USP34: variants seen among roughly 807,000 people sequenced by gnomAD.
USP34 encodes ubiquitin specific peptidase 34.
In USP34, 70 loss-of-function variants were observed where a neutral mutation model predicts 460.3. That is an observed-to-expected ratio of 0.15 (90% CI 0.13 to 0.19). The LOEUF is 0.19. Among genes scored for constraint, USP34 ranks in the 10% least tolerant of loss-of-function variants. The probability of loss-of-function intolerance (pLI) is 1.00; values close to 1 mark genes in which losing one functional copy is unlikely to be tolerated. For missense variants in USP34, 3,985 were observed against 4,236.2 expected (o/e 0.94, Z 1.65); for synonymous variants, 1,647 against 1,405.3 (o/e 1.17, Z -3.85).
At chr2:61,466,764 T>C (rs759542930) in intron 1 of USP34, among the ~76,000 whole-genome samples, 1 of 151,834 alleles carries the variant, frequency 6.6e-6, no homozygotes, top group African/African-American at 2.4e-5. Context: ...ATACAAAAAT[T>C]AGCCAGGCAA....
At chr2:61,198,190 TTA>T (rs964413860) in intron 75 of USP34, among the ~76,000 whole-genome samples, 4 of 151,984 alleles carry the variant, frequency 2.6e-5, no homozygotes, top group African/African-American at 9.7e-5. Context: ...AATTTCATCC[TTA>T]TAGAGTAAAA....
At chr2:61,321,188 A>T (rs1427370722) in intron 21 of USP34, among the ~76,000 whole-genome samples, 1 of 151,394 alleles carries the variant, frequency 6.6e-6, no homozygotes, top group Admixed American at 6.6e-5. Flanking sequence ...AAAACAAAAA[A>T]ATGGCCAGGC....
At chr2:61,393,571 T>C (rs528169838) in intron 5 of USP34, among the ~76,000 whole-genome samples, 9 of 152,188 alleles carry the variant, frequency 5.9e-5, no homozygotes, top group East Asian at 1.9e-4. Context: ...ATTTTAGTAA[T>C]GTCAGTGCTG....
chr2:61,228,979 T>G lies in USP34; in HGVS notation c.7216A>C (p.Thr2406Pro). ...GMEDGSDDMD[T>P]SVEDIGGRSC... ...CGACCACCAATATCTTCTACTGAGG[T>G]ATCCATATCATCTGACCTAAGAGAC... Residue 2406 changes from threonine (T) to proline (P), a missense_variant, in exon 60 of 80, where the codon ACC becomes CCC. Coordinates refer to ENST00000398571, the MANE Select transcript of USP34 (RefSeq NM_014709.4). 2 of 1,592,004 alleles carry G rather than the reference T, an allele frequency of 1.3e-6. No homozygotes were observed. The highest frequency in any genetic ancestry group is 1.7e-6 in the Non-Finnish European group (2 of 1,169,542).
At chr2:61,331,656 C>T (rs905889403) in intron 19 of USP34, among the ~76,000 whole-genome samples, 1 of 151,642 alleles carries the variant, frequency 6.6e-6, no homozygotes, top group Admixed American at 6.6e-5. Context: ...AATATGATAC[C>T]CTTTCATATA....
At position 61,350,943 on chromosome 2, in the gene USP34, C is replaced by A. The variant is rs377368847; in HGVS notation, c.1252-250G>T. Among the ~76,000 whole-genome samples the A allele has an allele frequency of 6.0e-4, 92 of 152,264 alleles. 1 individual carries two copies. Among genetic ancestry groups the A allele is most frequent in the African/African-American group, 2.2e-3 (92 of 41,570 alleles). On this transcript the variant is annotated intron_variant, in intron 10 of 79. Transcript: ENST00000398571. ...AATTTCCTAATTATAAGAGGGAAGGCTGGGCGTGGTGGCTGATGCCTGTAA... is the reference window on the plus strand; with the variant it reads ...AATTTCCTAATTATAAGAGGGAAGGATGGGCGTGGTGGCTGATGCCTGTAA...
chr2:61,342,849 A>G (rs1329227716), intron 16 of USP34, among the ~76,000 whole-genome samples: 1 of 152,228 alleles, frequency 6.6e-6, no homozygotes, highest in Non-Finnish European at 1.5e-5. Context: ...AATAGGTAAA[A>G]TATTGATTAA....
intron 39 of USP34, among the ~76,000 whole-genome samples, chr2:61,278,768 A>C (rs899666412): frequency 3.5e-5 from 5 of 143,846 alleles, no homozygotes; most frequent in African/African-American, 1.0e-4. Context: ...ATGTACCCTA[A>C]AACTTAAAGT....
At position 61,206,088 on chromosome 2, in the gene USP34, A is replaced by G. The variant is rs776978759; in HGVS notation, c.9083T>C (p.Ile3028Thr). ...AGTTAACAGTTTATGGGCAAATTCA[A>G]TTCGCTCCTGCCACTGGATTAATGC... ...KQALIQWQER[I>T]EFAHKLLTLL... Residue 3028 changes from isoleucine to threonine, a missense_variant, in exon 72 of 80, where the codon ATT (isoleucine) becomes ACT (threonine). By Grantham distance (89) the Ile-to-Thr change is moderately conservative (BLOSUM62 -1). Transcript: ENST00000398571. 9 of 1,613,830 alleles carry G rather than the reference A, an allele frequency of 5.6e-6. No individual in the cohort carries two copies. In the Admixed American group the frequency reaches 6.7e-5, roughly 12 times the overall value.
chr2:61,319,107 T>C, intron 22 of USP34, 66 bp downstream of exon 22: 4 of 1,446,748 alleles, frequency 2.8e-6, no homozygotes, highest in Non-Finnish European at 2.8e-6. Flanking sequence ...ATTACAGAAT[T>C]CGTATTTCAA....
At chr2:61,320,178 T>G (rs1690872736) in intron 21 of USP34, among the ~76,000 whole-genome samples, 1 of 152,244 alleles carries the variant, frequency 6.6e-6, no homozygotes, top group South Asian at 2.1e-4. Context: ...TGTTACAATT[T>G]GTATTCATTC....
intron 39 of USP34, among the ~76,000 whole-genome samples, chr2:61,279,005 C>T (rs1004740783): frequency 3.9e-5 from 6 of 151,982 alleles, no homozygotes; most frequent in African/African-American, 1.4e-4. Flanking sequence ...ACTTGAGTCC[C>T]CTCAAAGAAA....
chr2:61,458,622 GA>G (rs59134299), intron 1 of USP34, among the ~76,000 whole-genome samples: 82,799 of 113,084 alleles, frequency 0.73, 29,711 homozygotes, highest in African/African-American at 0.8. Context: ...AGGCAAAAAG[GA>G]AAAAAAAAAA....
At chr2:61,356,457 T>G (rs1692107080) in intron 10 of USP34, among the ~76,000 whole-genome samples, 1 of 149,508 alleles carries the variant, frequency 6.7e-6, no homozygotes, top group African/African-American at 2.5e-5. Flanking sequence ...GCCACAGCAC[T>G]CCAGCCTGGG....
chr2:61,409,472 G>C (rs545140971), intron 2 of USP34, among the ~76,000 whole-genome samples: 1 of 152,284 alleles, frequency 6.6e-6, no homozygotes, highest in South Asian at 2.1e-4. Flanking sequence ...CCAGCACTTT[G>C]GGAGGCCAAG....
chr2:61,437,818 A>AAATAAAT (rs1558594196), intron 1 of USP34, among the ~76,000 whole-genome samples: 93 of 76,316 alleles, frequency 1.2e-3, no homozygotes, highest in Middle Eastern at 8.9e-3. Flanking sequence ...AATAAATAAA[A>AAATAAAT]AACCTGAACA....
Position 61,265,544 on chromosome 2 carries a change from A to G in USP34, c.5631T>C (p.Tyr1877=). 5 of 1,609,748 alleles carry G rather than the reference A, an allele frequency of 3.1e-6. No individual in the cohort carries two copies. The highest frequency in any genetic ancestry group is 4.2e-6 in the Non-Finnish European group (5 of 1,176,712). Residue 1877 remains tyrosine (Y), a synonymous_variant, in exon 43 of 80, where the codon TAT becomes TAC. Transcript: ENST00000398571. ...MAQHMQSHAP[Y]KWDYWPHEDV... ...CTTCATGAGGCCAGTAATCCCATTT[A>G]TAAGGTGCATGGGCTGCTGAAGAAA... is the stretch of plus-strand genomic sequence containing the variant.
intron 39 of USP34, among the ~76,000 whole-genome samples, chr2:61,279,705 C>T (rs903910466): frequency 3.9e-5 from 6 of 152,144 alleles, no homozygotes; most frequent in African/African-American, 1.4e-4. Context: ...ACCTTGTGAT[C>T]CGCCCGCCTC....
intron 58 of USP34, 118 bp downstream of exon 58, chr2:61,232,334 G>T: frequency 1.2e-6 from 1 of 844,678 alleles, no homozygotes; most frequent in South Asian, 1.7e-5. Flanking sequence ...ATAGGAGGCA[G>T]ATCTTTTCAA....
Sources: gnomAD v4.1 joint callset for allele counts (sites outside exome capture counted in the v4.1 genomes callset) on GRCh38, gnomAD v4.1.1 for gene constraint, MANE v1.5 for transcripts, NCBI Gene and HGNC (gene_info 2026-07-23, HGNC 2026-07-21) for gene names.